GLIS3: variants seen among roughly 807,000 people sequenced by gnomAD.
GLIS3 encodes the protein GLIS family zinc finger 3.
In GLIS3, 53 loss-of-function variants were observed where a neutral mutation model predicts 78.6. The observed-to-expected ratio is 0.67, with a 90% CI of 0.54 to 0.85. The LOEUF (loss-of-function observed/expected upper bound fraction) is 0.85, where lower values mean the gene tolerates loss of function less well. Among genes scored for constraint, GLIS3 ranks in the 40% least tolerant of loss-of-function variants. GLIS3 has a pLI of 0.00. For missense variants in GLIS3, 1,703 were observed against 1,231.1 expected (o/e 1.38, Z -5.74); for synonymous variants, 684 against 509.9 (o/e 1.34, Z -4.60).
chr9:3,885,785 C>T (rs191446606), intron 7 of GLIS3, among the ~76,000 whole-genome samples: 18 of 152,312 alleles, frequency 1.2e-4, no homozygotes, highest in Admixed American at 7.2e-4. Context: ...CTGATTCCCT[C>T]AGCCTCATCA....
the GLIS3 span, among the ~76,000 whole-genome samples, chr9:4,477,280 G>A: frequency 1.4e-5 from 2 of 146,268 alleles, no homozygotes; most frequent in South Asian, 2.2e-4. Context: ...GAACCTAAAC[G>A]ACATGATGCA....
chr9:4,113,629 C>T (rs911908540), intron 4 of GLIS3, among the ~76,000 whole-genome samples: 7 of 152,088 alleles, frequency 4.6e-5, no homozygotes, highest in Admixed American at 2.0e-4. Context: ...AGAATAAAAG[C>T]GAATGTGAAA....
intron 4 of GLIS3, among the ~76,000 whole-genome samples, chr9:4,104,659 C>G (rs973388729): frequency 6.6e-6 from 1 of 152,184 alleles, no homozygotes; most frequent in African/African-American, 2.4e-5. Flanking sequence ...TTCTCTTCTT[C>G]CTCTTCACTC....
chr9:4,357,010 T>A, the GLIS3 span, among the ~76,000 whole-genome samples: 1 of 152,234 alleles, frequency 6.6e-6, no homozygotes, highest in Admixed American at 6.5e-5. Flanking sequence ...AATCTAAAAT[T>A]GAAATCTAGC....
the GLIS3 span, among the ~76,000 whole-genome samples, chr9:4,443,154 G>T: frequency 6.6e-6 from 1 of 152,018 alleles, no homozygotes; most frequent in Non-Finnish European, 1.5e-5. Flanking sequence ...TTGTGTCCAG[G>T]CCTCCAACTC....
At chr9:4,273,612 TAAATAAATAAATAAATA>T (rs1429444782) in intron 2 of GLIS3, among the ~76,000 whole-genome samples, 2 of 146,766 alleles carry the variant, frequency 1.4e-5, no homozygotes, top group Non-Finnish European at 3.1e-5. Context: ...AATAAATAAA[TAAATAAATAAATAAATA>T]AATAAATGTA....
At chr9:4,054,635 C>T (rs192624577) in intron 4 of GLIS3, 5 of 257,866 alleles carry the variant, frequency 1.9e-5, no homozygotes, top group Non-Finnish European at 3.0e-5. Flanking sequence ...CTTCCTGAAA[C>T]TTGACCTAAT....
At chr9:4,414,480 T>C in the GLIS3 span, among the ~76,000 whole-genome samples, 3 of 152,176 alleles carry the variant, frequency 2.0e-5, no homozygotes, top group African/African-American at 7.2e-5. Context: ...CTCAGTGATA[T>C]TGGGGTGGTC....
At chr9:4,011,768 A>C (rs1822030961) in intron 4 of GLIS3, among the ~76,000 whole-genome samples, 1 of 152,130 alleles carries the variant, frequency 6.6e-6, no homozygotes, top group South Asian at 2.1e-4. Flanking sequence ...CTGACACTTC[A>C]TTTTCATTTG....
the GLIS3 span, among the ~76,000 whole-genome samples, chr9:4,446,808 G>A: frequency 1.3e-5 from 2 of 151,758 alleles, no homozygotes; most frequent in Non-Finnish European, 2.9e-5. Context: ...ACTGCGCCTG[G>A]TCCCAAATTC....
At chr9:4,292,805 G>C (rs766917443) in intron 1 of GLIS3, among the ~76,000 whole-genome samples, 1 of 152,168 alleles carries the variant, frequency 6.6e-6, no homozygotes, top group Non-Finnish European at 1.5e-5. Flanking sequence ...AGTGGGTAAA[G>C]TTTAAATTAA....
At chr9:4,016,664 C>T (rs2130097470) in intron 4 of GLIS3, among the ~76,000 whole-genome samples, 1 of 152,308 alleles carries the variant, frequency 6.6e-6, no homozygotes, top group South Asian at 2.1e-4. Flanking sequence ...GCTCTGATGT[C>T]TTTCCACAAT....
intron 2 of GLIS3, among the ~76,000 whole-genome samples, chr9:4,267,723 T>C (rs1324767032): frequency 6.6e-6 from 1 of 152,140 alleles, no homozygotes; most frequent in African/African-American, 2.4e-5. Context: ...GAAAGGAATA[T>C]CTTAAGTCAT....
chr9:3,952,926 C>T (rs1339882648), intron 4 of GLIS3, among the ~76,000 whole-genome samples: 7 of 152,128 alleles, frequency 4.6e-5, no homozygotes, highest in Non-Finnish European at 7.4e-5. Context: ...AACTGATAAT[C>T]CCAGCCCAGC....
chr9:4,365,279 C>T, the GLIS3 span, among the ~76,000 whole-genome samples: 3,577 of 152,204 alleles, frequency 0.024, 152 homozygotes, highest in African/African-American at 0.082. Context: ...AAGATCAAAT[C>T]AGGCTGGGTG....
intron 2 of GLIS3, among the ~76,000 whole-genome samples, chr9:4,179,021 C>A (rs533260133): frequency 6.6e-6 from 1 of 152,272 alleles, no homozygotes; most frequent in Non-Finnish European, 1.5e-5. Context: ...TGTTATATAA[C>A]TTGGCAGACA....
intron 4 of GLIS3, among the ~76,000 whole-genome samples, chr9:4,070,015 G>A (rs1177191973): frequency 1.3e-5 from 2 of 151,976 alleles, no homozygotes; most frequent in East Asian, 3.9e-4. Flanking sequence ...CAAGGCACAG[G>A]GGCAGCCATT....
At chr9:4,396,866 G>A in the GLIS3 span, among the ~76,000 whole-genome samples, 12 of 151,962 alleles carry the variant, frequency 7.9e-5, no homozygotes, top group African/African-American at 2.2e-4. Context: ...GCCTGAGTAC[G>A]TCTGAGCAAG....
chr9:4,136,710 C>T (rs566946303), intron 2 of GLIS3, among the ~76,000 whole-genome samples: 2 of 152,154 alleles, frequency 1.3e-5, no homozygotes, highest in South Asian at 2.1e-4. Context: ...GGAGGAGGCA[C>T]AATGCGTCCT....
Sources: gnomAD v4.1 joint callset for allele counts (sites outside exome capture counted in the v4.1 genomes callset) on GRCh38, gnomAD v4.1.1 for gene constraint, MANE v1.5 for transcripts, NCBI Gene and HGNC (gene_info 2026-07-23, HGNC 2026-07-21) for gene names.